FHIT: variants seen among roughly 807,000 people sequenced by gnomAD.
FHIT encodes fragile histidine triad diadenosine triphosphatase, also known as bis(5'-adenosyl)-triphosphatase.
In FHIT, 19 loss-of-function variants were observed where a neutral mutation model predicts 17.9. The observed-to-expected ratio is 1.06, with a 90% CI of 0.74 to 1.56. The LOEUF is 1.56. Among genes scored for constraint, FHIT ranks in the 40% most tolerant of loss-of-function variants. FHIT has a pLI of 0.00. For synonymous variants in FHIT, 81 were observed against 69.7 expected (o/e 1.16, Z -0.81); for missense variants, 248 against 189.2 (o/e 1.31, Z -1.82).
chr3:59,799,643 A>G (rs1041605450), intron 8 of FHIT, among the ~76,000 whole-genome samples: 1 of 152,132 alleles, frequency 6.6e-6, no homozygotes, highest in Non-Finnish European at 1.5e-5. Context: ...TTTATTTTGG[A>G]GGGGGATAGG....
chr3:61,101,524 A>T (rs1056513672), intron 2 of FHIT, among the ~76,000 whole-genome samples: 2 of 152,004 alleles, frequency 1.3e-5, no homozygotes, highest in Non-Finnish European at 2.9e-5. Context: ...TTTGCTTAGG[A>T]TTGTCTTGGC....
chr3:59,975,750 A>T (rs1035215305), intron 7 of FHIT, among the ~76,000 whole-genome samples: 1 of 152,106 alleles, frequency 6.6e-6, no homozygotes, highest in African/African-American at 2.4e-5. Flanking sequence ...TTCTGTGAGC[A>T]TGTGGGAGCC....
intron 3 of FHIT, among the ~76,000 whole-genome samples, chr3:61,012,820 TTTA>T (rs1192331928): frequency 1.3e-5 from 2 of 151,812 alleles, no homozygotes; most frequent in Admixed American, 1.3e-4. Context: ...TCAAAATTTT[TTTA>T]AAAAATTTAA....
intron 3 of FHIT, among the ~76,000 whole-genome samples, chr3:60,860,376 T>TATATG: frequency 2.1e-5 from 3 of 145,332 alleles, no homozygotes; most frequent in African/African-American, 8.0e-5. Flanking sequence ...ATCATATGTA[T>TATATG]ACATGACATA....
At chr3:60,857,507 G>A (rs1243330497) in intron 3 of FHIT, among the ~76,000 whole-genome samples, 2 of 151,896 alleles carry the variant, frequency 1.3e-5, no homozygotes, top group African/African-American at 4.9e-5. Flanking sequence ...TTTTCAATAA[G>A]GGTTTGTGAG....
At chr3:60,554,704 C>A (rs1428423255) in intron 4 of FHIT, among the ~76,000 whole-genome samples, 1 of 152,020 alleles carries the variant, frequency 6.6e-6, no homozygotes, top group African/African-American at 2.4e-5. Context: ...AAAGAAATAC[C>A]AAAGGAAAAA....
chr3:60,262,977 A>G (rs533294953), intron 5 of FHIT, among the ~76,000 whole-genome samples: 18 of 152,130 alleles, frequency 1.2e-4, no homozygotes, highest in African/African-American at 3.4e-4. Flanking sequence ...AATACTTAAT[A>G]AACGACTTAT....
chr3:60,719,458 A>AG (rs2041761187), intron 4 of FHIT, among the ~76,000 whole-genome samples: 1 of 152,094 alleles, frequency 6.6e-6, no homozygotes, highest in Non-Finnish European at 1.5e-5. Context: ...ATCTTTCAGG[A>AG]GCTGTAGAGT....
At chr3:59,802,210 C>G (rs938326356) in intron 8 of FHIT, among the ~76,000 whole-genome samples, 2 of 152,170 alleles carry the variant, frequency 1.3e-5, no homozygotes, top group Admixed American at 6.5e-5. Flanking sequence ...GGCTCAGGTT[C>G]CCCTACCCTG....
chr3:60,239,252 G>A (rs911743449), intron 5 of FHIT, among the ~76,000 whole-genome samples: 3 of 152,160 alleles, frequency 2.0e-5, no homozygotes, highest in Admixed American at 6.5e-5. Flanking sequence ...GTAGTTGAAT[G>A]TACTTCTTTT....
chr3:60,993,553 G>A (rs1373757253), intron 3 of FHIT, among the ~76,000 whole-genome samples: 2 of 152,032 alleles, frequency 1.3e-5, no homozygotes, highest in Non-Finnish European at 2.9e-5. Flanking sequence ...CTCACCTCAG[G>A]CTTGCAAGGC....
At chr3:60,753,214 G>A (rs1323195491) in intron 4 of FHIT, among the ~76,000 whole-genome samples, 1 of 151,958 alleles carries the variant, frequency 6.6e-6, no homozygotes, top group African/African-American at 2.4e-5. Context: ...TCACCATAAA[G>A]GAAATCTAGG....
In FHIT at chr3:60,441,755, A is replaced by ATTTATATATAT. The variant is rs1559916082; in HGVS notation, c.103+95104_103+95105insATATATATAAA. On this transcript the variant is annotated intron_variant, in intron 5 of 9. Transcript: ENST00000492590. ...TTATATATATATATTTATATATATA[A>ATTTATATATAT]AAATATATATATATTTATATGTATA... 7.3e-5 allele frequency among the ~76,000 whole-genome samples: 7 copies of ATTTATATATAT among 96,548 alleles called. No individual in the cohort carries two copies. In the East Asian group the frequency reaches 1.7e-3, roughly 23 times the overall value. The allele number at this position is 96,548 out of a possible 152,430, so 63.3% of individuals were successfully genotyped here.
At chr3:59,982,150 C>G (rs1269352180) in intron 7 of FHIT, among the ~76,000 whole-genome samples, 1 of 152,140 alleles carries the variant, frequency 6.6e-6, no homozygotes, top group Non-Finnish European at 1.5e-5. Context: ...TGTATGGTCT[C>G]TTTTCTCAAG....
intron 4 of FHIT, among the ~76,000 whole-genome samples, chr3:60,659,262 T>C (rs1254074752): frequency 6.6e-6 from 1 of 152,102 alleles, no homozygotes; most frequent in Non-Finnish European, 1.5e-5. Flanking sequence ...TGGATCTCTT[T>C]GAGTTCATCC....
chr3:60,546,742 C>T (rs1385755689), intron 4 of FHIT, among the ~76,000 whole-genome samples: 1 of 152,154 alleles, frequency 6.6e-6, no homozygotes, highest in Non-Finnish European at 1.5e-5. Context: ...CACTCTCTTC[C>T]TGATCTTCCA....
At chr3:60,780,091 A>T (rs1240710726) in intron 4 of FHIT, among the ~76,000 whole-genome samples, 1 of 152,086 alleles carries the variant, frequency 6.6e-6, no homozygotes, top group Admixed American at 6.5e-5. Context: ...TACCTCACAT[A>T]CCTAAGGTAT....
At chr3:59,784,026 A>C (rs1379291281) in intron 8 of FHIT, among the ~76,000 whole-genome samples, 1 of 152,114 alleles carries the variant, frequency 6.6e-6, no homozygotes, top group South Asian at 2.1e-4. Flanking sequence ...GATATTGACT[A>C]TTTGTACTTT....
chr3:60,860,575 GA>G (rs1291431877), intron 3 of FHIT, among the ~76,000 whole-genome samples: 10 of 69,110 alleles, frequency 1.4e-4, no homozygotes, highest in African/African-American at 5.9e-4. Context: ...AGGTATATAT[GA>G]TACATATGTA....
Sources: allele counts gnomAD v4.1 joint callset (sites outside exome capture counted in the v4.1 genomes callset), GRCh38; gene constraint gnomAD v4.1.1; transcripts MANE v1.5; gene names NCBI Gene and HGNC (gene_info 2026-07-23, HGNC 2026-07-21).